ADGRV1: variants seen among roughly 807,000 people sequenced by gnomAD.
ADGRV1 encodes the protein G-protein coupled receptor 98.
In ADGRV1, 359 loss-of-function variants were observed where a neutral mutation model predicts 596.2. The ratio of observed to expected loss-of-function variants is 0.60; its 90% CI spans 0.55 to 0.66. The LOEUF is 0.66. ADGRV1 is among the 30% of genes least tolerant of loss of function. The probability of loss-of-function intolerance (pLI) is 0.00; values close to 1 mark genes in which losing one functional copy is unlikely to be tolerated. For synonymous variants in ADGRV1, 2,681 were observed against 2,679.2 expected, an observed-to-expected ratio of 1.00 and a Z score of -0.02; for missense variants, 7,274 against 7,575.6, an observed-to-expected ratio of 0.96 and a Z score of 1.48.
At chr5:90,879,777 G>A (rs978971936) in intron 83 of ADGRV1, among the ~76,000 whole-genome samples, 5 of 152,040 alleles carry the variant, frequency 3.3e-5, no homozygotes, top group African/African-American at 1.2e-4. Context: ...TGAAACCCCT[G>A]TGTCTACTGA....
intron 67 of ADGRV1, among the ~76,000 whole-genome samples, chr5:90,785,773 A>T (rs1759367855): frequency 6.6e-6 from 1 of 152,214 alleles, no homozygotes; most frequent in African/African-American, 2.4e-5. Flanking sequence ...GAGGATGTGG[A>T]GAAATAGGAA....
intron 2 of ADGRV1, among the ~76,000 whole-genome samples, chr5:90,616,094 A>G (rs1478148235): frequency 6.6e-6 from 1 of 152,002 alleles, no homozygotes; most frequent in African/African-American, 2.4e-5. Context: ...CATTTTCTAT[A>G]GTAAGGTATA....
intron 83 of ADGRV1, among the ~76,000 whole-genome samples, chr5:90,953,983 A>G (rs549825437): frequency 2.0e-4 from 31 of 152,108 alleles, no homozygotes; most frequent in Non-Finnish European, 4.0e-4. Context: ...TATTTTAACT[A>G]TGCCAATGGA....
intron 29 of ADGRV1, among the ~76,000 whole-genome samples, chr5:90,688,774 ACTC>A (rs1314915598): frequency 6.6e-6 from 1 of 152,030 alleles, no homozygotes; most frequent in Non-Finnish European, 1.5e-5. Flanking sequence ...CTCTGAGTGT[ACTC>A]CTCATTTTTG....
Position 90,685,826 on chromosome 5 carries a change from A to AG in ADGRV1, c.6321_6322insG (p.Leu2108AlafsTer7). The AG allele has an allele frequency of 6.2e-7, 1 of 1,612,076 alleles. No homozygotes were observed. Among genetic ancestry groups the AG allele is most frequent in the Non-Finnish European group, 8.5e-7 (1 of 1,178,870 alleles). ...GGCCTAAGGTAGAAACTATTGCGCA[A>AG]CTAATTATCATTGCCAATGATGATG... On this transcript the variant is annotated frameshift_variant, in exon 29 of 90. Coordinates refer to ENST00000405460, the MANE Select transcript of ADGRV1 (RefSeq NM_032119.4). LOFTEE classifies it high-confidence loss of function.
At position 90,679,589 on chromosome 5, in the gene ADGRV1, T is replaced by C. The variant is rs752190878; in HGVS notation, c.5484T>C (p.Asp1828=). ...GGGTTGATGGAAGTGGTAGTGGTGA[T>C]GGGGACATGGAATTCTTCCTTCCAA... is the stretch of plus-strand genomic sequence containing the variant. ...LFRVDGSGSG[D]GDMEFFLPTI... is the part of the protein sequence containing the mutation. The change falls in exon 26 of 90, where the codon GAT becomes GAC. Residue 1828 remains aspartate (D), a synonymous_variant. Coordinates refer to ENST00000405460, the MANE Select transcript of ADGRV1 (RefSeq NM_032119.4). 1.2e-6 allele frequency: 2 copies of C among 1,613,794 alleles called. No individual in the cohort carries two copies. The highest frequency in any genetic ancestry group is 1.7e-6 in the Non-Finnish European group (2 of 1,179,770).
intron 63 of ADGRV1, 113 bp downstream of exon 63, chr5:90,778,722 A>G: frequency 8.5e-6 from 9 of 1,062,434 alleles, no homozygotes; most frequent in South Asian, 2.2e-5. Context: ...TCCAAACATC[A>G]TTATTTTAAC....
chr5:90,640,657 G>A (rs1295932171), intron 11 of ADGRV1: 1 of 152,550 alleles, frequency 6.6e-6, no homozygotes, highest in African/African-American at 2.4e-5. Flanking sequence ...CAATAGCAAA[G>A]AATCCAGGGT....
In ADGRV1 at chr5:90,730,025, C is replaced by G. The variant is rs2030272; in HGVS notation, c.10549+261C>G. On this transcript the variant is annotated intron_variant, in intron 50 of 89. Coordinates refer to ENST00000405460, the MANE Select transcript of ADGRV1 (RefSeq NM_032119.4). ...GGACTACAGGCGTCCGCCACCATGT[C>G]TGGCTAATTTTTTTGTATTTTTAGT... Among the ~76,000 whole-genome samples, 58,437 of 152,040 alleles carry G rather than the reference C, an allele frequency of 0.38. 12,243 individuals carry two copies. Among genetic ancestry groups the G allele is most frequent in the Admixed American group, 0.54 (8,314 of 15,278 alleles).
At chr5:90,647,024 G>A (rs1312284165) in intron 16 of ADGRV1, among the ~76,000 whole-genome samples, 1 of 151,974 alleles carries the variant, frequency 6.6e-6, no homozygotes, top group Non-Finnish European at 1.5e-5. Flanking sequence ...TGCCCGCCTT[G>A]GCCTCCCAAA....
At chr5:90,666,203 T>C (rs1277407403) in intron 21 of ADGRV1, among the ~76,000 whole-genome samples, 9 of 151,542 alleles carry the variant, frequency 5.9e-5, no homozygotes, top group Admixed American at 5.3e-4. Flanking sequence ...TGTCTAATGT[T>C]GACAGTGGGG....
chr5:90,729,748 A>G lies in ADGRV1; in HGVS notation c.10533A>G (p.Thr3511=), dbSNP rs758331178. ...FAAVNRIHSF[T]PASGIAHILL... The stretch of plus-strand genomic sequence containing the variant: ...CTGTTAACAGAATCCACTCCTTCAC[A>G]CCAGCCTCAGGAATAGGTAAGGACT... Residue 3511 remains threonine (T), a synonymous_variant, in exon 50 of 90, where the codon ACA becomes ACG. Transcript: ENST00000405460. 11 of 1,613,306 alleles carry G rather than the reference A, an allele frequency of 6.8e-6. No individual in the cohort carries two copies. The highest frequency in any genetic ancestry group is 9.3e-6 in the Non-Finnish European group (11 of 1,179,538).
At chr5:90,579,136 G>T (rs1757631274) in intron 1 of ADGRV1, among the ~76,000 whole-genome samples, 1 of 151,946 alleles carries the variant, frequency 6.6e-6, no homozygotes, top group Non-Finnish European at 1.5e-5. Flanking sequence ...GTTATTTCTT[G>T]CCTTCTGCTA....
At chr5:90,620,431 C>T (rs2152061359) in intron 4 of ADGRV1, among the ~76,000 whole-genome samples, 1 of 152,278 alleles carries the variant, frequency 6.6e-6, no homozygotes, top group East Asian at 1.9e-4. Flanking sequence ...ATCCTTTGCC[C>T]ACTTTTTGAT....
intron 85 of ADGRV1, among the ~76,000 whole-genome samples, chr5:90,998,912 T>C (rs1781634133): frequency 1.3e-5 from 2 of 152,162 alleles, no homozygotes; most frequent in African/African-American, 4.8e-5. Context: ...TCATTTATCA[T>C]GTACCAGACA....
intron 85 of ADGRV1, among the ~76,000 whole-genome samples, chr5:91,060,398 A>ATATT (rs796332430): frequency 1.8e-4 from 11 of 60,476 alleles, no homozygotes; most frequent in African/African-American, 5.1e-4. Context: ...ATATATATAT[A>ATATT]TTTTTTTTTT....
intron 53 of ADGRV1, 139 bp downstream of exon 53, chr5:90,750,836 G>T: frequency 1.7e-6 from 1 of 585,040 alleles, no homozygotes; most frequent in Non-Finnish European, 2.9e-6. Context: ...TTGTAGAGAG[G>T]GATACAATTT....
At position 90,674,252 on chromosome 5, in the gene ADGRV1, C is replaced by T; in HGVS notation, c.5110+18C>T. The T allele has an allele frequency of 1.3e-6, 2 of 1,536,512 alleles. No individual in the cohort carries two copies. Among genetic ancestry groups the T allele is most frequent in the South Asian group, 2.7e-5 (2 of 74,106 alleles). On this transcript the variant is annotated intron_variant, in intron 23 of 89. Transcript: ENST00000405460. Reference sequence around the variant, plus strand: ...TCCATATGGTAACCTGCTCCTTTTGCAAGAAAAATCCTCTCTTCTCTGGGT... The same window carrying T: ...TCCATATGGTAACCTGCTCCTTTTGTAAGAAAAATCCTCTCTTCTCTGGGT...
intron 83 of ADGRV1, among the ~76,000 whole-genome samples, chr5:90,921,412 C>T (rs927402472): frequency 1.3e-5 from 2 of 152,082 alleles, no homozygotes; most frequent in Non-Finnish European, 2.9e-5. Flanking sequence ...TATGTATTCC[C>T]TGCCGCATCT....
Sources: allele counts gnomAD v4.1 joint callset (sites outside exome capture counted in the v4.1 genomes callset), GRCh38; gene constraint gnomAD v4.1.1; transcripts MANE v1.5; gene names NCBI Gene and HGNC (gene_info 2026-07-23, HGNC 2026-07-21).